The following EDEM3 variants were observed in gnomAD, a reference collection of about 807,000 sequenced individuals.
EDEM3 encodes ER degradation enhancing alpha-mannosidase like protein 3.
Under a neutral mutation model 110.2 loss-of-function variants are expected in EDEM3, and 60 were observed. That is an observed-to-expected ratio of 0.54 (90% CI 0.44 to 0.67). EDEM3 has a LOEUF of 0.67. Among genes scored for constraint, EDEM3 ranks in the 30% least tolerant of loss-of-function variants. EDEM3 has a pLI of 0.00. For synonymous variants in EDEM3, 352 were observed against 382.9 expected, an observed-to-expected ratio of 0.92 and a Z score of 0.94; for missense variants, 996 against 1,121.0, an observed-to-expected ratio of 0.89 and a Z score of 1.59.
chr1:184,702,831 G>A lies in EDEM3; in HGVS notation c.2369C>T (p.Ser790Phe). 1 of 1,603,012 alleles carries A rather than the reference G, an allele frequency of 6.2e-7. No individual in the cohort carries two copies. Among genetic ancestry groups the A allele is most frequent in the Non-Finnish European group, 8.5e-7 (1 of 1,175,746 alleles). The part of the protein sequence containing the change: ...REYEEVEVLL[S>F]DKAKDRDPEM... ...CTTACCTCGATCTTTTGCTTTATCA[G>A]AGAGGAGCACTTCTACCTCCTCATA... is the stretch of plus-strand genomic sequence containing the variant. Residue 790 changes from serine (S) to phenylalanine (F), a missense_variant, in exon 19 of 20, where the codon TCT becomes TTT. This residue lies in a region of EDEM3 where 345 missense variants were observed against 402.0 expected (regional missense o/e 0.86). Coordinates refer to ENST00000318130, the MANE Select transcript of EDEM3 (RefSeq NM_025191.4).
chr1:184,734,865 T>A (rs1013219167), intron 4 of EDEM3, among the ~76,000 whole-genome samples: 1 of 152,192 alleles, frequency 6.6e-6, no homozygotes, highest in Non-Finnish European at 1.5e-5. Context: ...TACACCGAAA[T>A]ATTATGAGGA....
At position 184,694,116 on chromosome 1, in the gene EDEM3, C is replaced by A; in HGVS notation, c.2746G>T (p.Asp916Tyr). ...AATGCTTCTATATCTTCATTCCAGTCTGCTAATATGGAGTCTATAGGCTGG... is the reference window on the plus strand; with the variant it reads ...AATGCTTCTATATCTTCATTCCAGTATGCTAATATGGAGTCTATAGGCTGG... The part of the protein sequence containing the change: ...KVQPIDSILA[D>Y]WNEDIEAFEM... The change falls in exon 20 of 20, where the codon GAC (aspartate) becomes TAC (tyrosine). Residue 916 changes from aspartate (D) to tyrosine (Y), a missense_variant. Physicochemically the swap from Asp to Tyr is radical, Grantham distance 160 (BLOSUM62 -3). Coordinates refer to ENST00000318130, the MANE Select transcript of EDEM3 (RefSeq NM_025191.4). The A allele has an allele frequency of 6.2e-7, 1 of 1,613,276 alleles. No homozygotes were observed. The highest frequency in any genetic ancestry group is 1.1e-5 in the South Asian group (1 of 91,018).
chr1:184,743,409 A>C (rs775748560), intron 2 of EDEM3, among the ~76,000 whole-genome samples: 1 of 152,200 alleles, frequency 6.6e-6, no homozygotes, highest in Non-Finnish European at 1.5e-5. Flanking sequence ...TATCACTCAG[A>C]AATAAAACTC....
chr1:184,745,615 A>G (rs887742749), intron 2 of EDEM3, among the ~76,000 whole-genome samples: 124 of 152,210 alleles, frequency 8.1e-4, no homozygotes, highest in African/African-American at 2.6e-3. Flanking sequence ...GGGGAGAGGC[A>G]CTCCAAAAAA....
chr1:184,695,623 T>G (rs755803711), intron 19 of EDEM3, among the ~76,000 whole-genome samples: 17 of 152,026 alleles, frequency 1.1e-4, no homozygotes, highest in Non-Finnish European at 2.1e-4. Flanking sequence ...GTATGTTCAA[T>G]ACAGATGCTT....
rs1250813441 is a variant in EDEM3 at position 184,691,014 on chromosome 1, C to T, written c.*3049G>A. 2 of 152,380 alleles carry T rather than the reference C, an allele frequency of 1.3e-5. No individual in the cohort carries two copies. The highest frequency in any genetic ancestry group is 2.9e-5 in the Non-Finnish European group (2 of 67,942). 9.4% of individuals were successfully genotyped at this position (152,380 alleles called of 1,614,324 possible). On this transcript the variant is annotated 3_prime_UTR_variant, in exon 20 of 20. Transcript: ENST00000318130. ...GTGATGGTAATTTAAATTTTAAAAG[C>T]TTCTTGAGAGAGTAATTACATTAGT...
Position 184,698,194 on chromosome 1 carries a change from A to G in EDEM3, c.2390-3722T>C, listed in dbSNP as rs1160252340. On this transcript the variant is annotated intron_variant, in intron 19 of 19. Transcript: ENST00000318130. ...GCTGGAAAGGATGTGAATTGCTACA[A>G]CCTTTTTTGGAATGCAACTTGCAAC... Among the ~76,000 whole-genome samples the G allele has an allele frequency of 4.0e-5, 6 of 151,836 alleles. No individual in the cohort carries two copies. In the East Asian group the frequency reaches 9.6e-4, roughly 24 times the overall value.
intron 1 of EDEM3, among the ~76,000 whole-genome samples, chr1:184,752,470 A>T (rs1652823150): frequency 6.6e-6 from 1 of 152,226 alleles, no homozygotes; most frequent in South Asian, 2.1e-4. Context: ...ATAGCTCTAG[A>T]TTCTTACCCT....
intron 15 of EDEM3, 80 bp from the exon 16 acceptor site, chr1:184,710,627 G>T: frequency 6.7e-7 from 1 of 1,481,900 alleles, no homozygotes; most frequent in Non-Finnish European, 9.0e-7. Context: ...TAAAAATAAT[G>T]TTACTTGCAA....
chr1:184,728,435 G>C (rs1477022016), intron 6 of EDEM3, among the ~76,000 whole-genome samples: 1 of 151,990 alleles, frequency 6.6e-6, no homozygotes, highest in African/African-American at 2.4e-5. Flanking sequence ...GAAATACTTT[G>C]AATCATGAGC....
intron 4 of EDEM3, among the ~76,000 whole-genome samples, chr1:184,736,193 T>C (rs1160103734): frequency 6.6e-6 from 1 of 152,102 alleles, no homozygotes; most frequent in Non-Finnish European, 1.5e-5. Context: ...GGACCTATTT[T>C]TTTTAAATCA....
At chr1:184,696,162 A>G (rs1210859053) in intron 19 of EDEM3, among the ~76,000 whole-genome samples, 1 of 151,964 alleles carries the variant, frequency 6.6e-6, no homozygotes, top group Non-Finnish European at 1.5e-5. Context: ...GAGTAGAGAC[A>G]GGGGTCCTCA....
intron 13 of EDEM3, among the ~76,000 whole-genome samples, chr1:184,715,777 C>G (rs1486089888): frequency 6.6e-6 from 1 of 152,186 alleles, no homozygotes; most frequent in African/African-American, 2.4e-5. Context: ...ATAAATGTTA[C>G]AGGCAAATAA....
chr1:184,702,955 G>A lies in EDEM3; in HGVS notation c.2245C>T (p.Gln749Ter). 6.2e-7 allele frequency: 1 copy of A among 1,612,314 alleles called. No homozygotes were observed. Among genetic ancestry groups the A allele is most frequent in the Non-Finnish European group, 8.5e-7 (1 of 1,179,264 alleles). Reference sequence around the variant, plus strand: ...GTATCCTTTCCATCACCTGCCATCTGGAACAGAGGGGCAGTATCACTGCTG... The same window carrying A: ...GTATCCTTTCCATCACCTGCCATCTAGAACAGAGGGGCAGTATCACTGCTG... The part of the protein sequence containing the change: ...GSSSDTAPLF[Q>*]MAGDGKDTDD... The change falls in exon 19 of 20, where the codon CAG becomes TAG. Residue 749 changes from glutamine to a stop codon, truncating the protein, a stop_gained. Transcript: ENST00000318130. LOFTEE classifies it high-confidence loss of function.
chr1:184,712,531 T>C lies in EDEM3; in HGVS notation c.1438A>G (p.Ile480Val), dbSNP rs1296418291. Residue 480 changes from isoleucine to valine, a missense_variant, in exon 14 of 20, where the codon ATT becomes GTT. Coordinates refer to ENST00000318130, the MANE Select transcript of EDEM3 (RefSeq NM_025191.4). ...LYLLFADKED[I>V]IFDIEDYIFT... ...ATGTAATCTTCTATGTCAAAAATAA[T>C]GTCTTCTTTATCAGCAAATAACAGG... 1.2e-6 allele frequency: 2 copies of C among 1,600,028 alleles called. No individual in the cohort carries two copies. The highest frequency in any genetic ancestry group is 1.7e-6 in the Non-Finnish European group (2 of 1,171,692).
chr1:184,734,185 T>C (rs1651693442), intron 5 of EDEM3, among the ~76,000 whole-genome samples: 1 of 150,436 alleles, frequency 6.6e-6, no homozygotes, highest in East Asian at 2.0e-4. Context: ...ATTAAAATTA[T>C]AGACTGGGCG....
chr1:184,744,989 G>A (rs1312029027), intron 2 of EDEM3, among the ~76,000 whole-genome samples: 4 of 152,032 alleles, frequency 2.6e-5, no homozygotes, highest in Admixed American at 2.0e-4. Flanking sequence ...GGAATTTACT[G>A]CAAATAACTA....
chr1:184,723,913 C>G (rs1553271940), intron 7 of EDEM3, 57 bp from the exon 8 acceptor site: 2 of 1,306,918 alleles, frequency 1.5e-6, no homozygotes, highest in Non-Finnish European at 2.0e-6. Context: ...AACTAAGTCT[C>G]TTTGGCAAAT....
intron 19 of EDEM3, among the ~76,000 whole-genome samples, chr1:184,700,137 T>C (rs1442228712): frequency 6.6e-6 from 1 of 151,986 alleles, no homozygotes; most frequent in East Asian, 1.9e-4. Context: ...AAAATGCTAA[T>C]GCTTTTTGGC....
Sources: gnomAD v4.1 joint callset for allele counts (sites outside exome capture counted in the v4.1 genomes callset) on GRCh38, gnomAD v4.1.1 for gene constraint, gnomAD v4.1.1 regional missense constraint, MANE v1.5 for transcripts, NCBI Gene and HGNC (gene_info 2026-07-23, HGNC 2026-07-21) for gene names.